NLRP14: variants seen among roughly 807,000 people sequenced by gnomAD.
NLRP14 encodes the protein NACHT, LRR and PYD domains-containing protein 14.
NLRP14 carries 105 observed loss-of-function variants against 94.7 expected under a neutral mutation model. The observed-to-expected ratio is 1.11, with a 90% confidence interval of 0.95 to 1.30. The LOEUF (loss-of-function observed/expected upper bound fraction) is 1.30. NLRP14 is among the 50% of genes most tolerant of loss of function. NLRP14 has a pLI of 0.00. For synonymous variants in NLRP14, 508 were observed against 459.9 expected (o/e 1.10, Z -1.34); for missense variants, 1,362 against 1,254.1 (o/e 1.09, Z -1.30).
Position 7,058,396 on chromosome 11 carries a change from T to A in NLRP14, c.2579T>A (p.Val860Glu), listed in dbSNP as rs1589869610. Reference protein sequence around the residue: ...LADNVLGDGGVKLMSDALQHA... With the variant: ...LADNVLGDGGEKLMSDALQHA... ...GACAATGTCTTGGGTGATGGTGGAG[T>A]AAAGCTTATGAGTGATGCCCTGCAA... Residue 860 changes from valine to glutamate, a missense_variant, in exon 8 of 12, where the codon GTA (valine) becomes GAA (glutamate). Physicochemically the swap from Val to Glu is moderately radical, Grantham distance 121 (BLOSUM62 -2). Coordinates refer to ENST00000299481, the MANE Select transcript of NLRP14 (RefSeq NM_176822.4). The A allele has an allele frequency of 2.5e-6, 4 of 1,612,732 alleles. No individual in the cohort carries two copies. The East Asian group carries it at 8.9e-5, about 36-fold the overall frequency.
chr11:7,071,063 C>T, intron 11 of NLRP14, 110 bp from the exon 12 acceptor site: 2 of 1,229,946 alleles, frequency 1.6e-6, no homozygotes, highest in East Asian at 4.8e-5. Flanking sequence ...TATTATCTCT[C>T]TATTTTAACA....
intron 11 of NLRP14, 27 bp from the exon 12 acceptor site, chr11:7,071,146 A>G: frequency 6.2e-7 from 1 of 1,613,694 alleles, no homozygotes; most frequent in Non-Finnish European, 8.5e-7. Flanking sequence ...TGAATGCAGG[A>G]AAAGAGATGT....
chr11:7,021,317 C>T (rs1419466056), intron 1 of NLRP14, among the ~76,000 whole-genome samples: 1 of 152,216 alleles, frequency 6.6e-6, no homozygotes, highest in Non-Finnish European at 1.5e-5. Flanking sequence ...AGGAAGTAGT[C>T]TTGTGAACTA....
chr11:7,082,310 A>T, the NLRP14 span, among the ~76,000 whole-genome samples: 12 of 152,178 alleles, frequency 7.9e-5, no homozygotes, highest in Non-Finnish European at 1.6e-4. Flanking sequence ...TTTACCAACA[A>T]TGCAAGTGTA....
downstream of NLRP14, among the ~76,000 whole-genome samples, chr11:7,075,177 C>T (rs1320936436): frequency 5.3e-5 from 8 of 152,206 alleles, no homozygotes; most frequent in Admixed American, 1.3e-4. Context: ...TCCAGGGTTC[C>T]GTTGGCCAAC....
downstream of NLRP14, among the ~76,000 whole-genome samples, chr11:7,075,853 G>T (rs1852869055): frequency 1.3e-5 from 2 of 152,164 alleles, no homozygotes; most frequent in Admixed American, 1.3e-4. Context: ...AGATAGCTTT[G>T]ATCATCGGGG....
intron 4 of NLRP14, among the ~76,000 whole-genome samples, chr11:7,045,840 T>C (rs1406954299): frequency 6.6e-6 from 1 of 151,888 alleles, no homozygotes; most frequent in Non-Finnish European, 1.5e-5. Flanking sequence ...ACATACTGCC[T>C]TATTGAATTT....
At chr11:7,066,831 T>C (rs1338911135) in intron 10 of NLRP14, among the ~76,000 whole-genome samples, 3 of 152,144 alleles carry the variant, frequency 2.0e-5, no homozygotes, top group South Asian at 2.1e-4. Flanking sequence ...TTAGGTCTTA[T>C]GTTTAAGTCT....
rs745599120 is a variant in NLRP14, at chr11:7,058,436, T to C, written c.2619T>C (p.Thr873=). The C allele has an allele frequency of 6.2e-7, 1 of 1,611,670 alleles. No individual in the cohort carries two copies. Among genetic ancestry groups the C allele is most frequent in the Non-Finnish European group, 8.5e-7 (1 of 1,177,980 alleles). The change falls in exon 8 of 12, where the codon ACT becomes ACC. Residue 873 remains threonine, a synonymous_variant. Transcript: ENST00000299481. The part of the protein sequence containing the change: ...MSDALQHAQC[T]LKSLVLRRCH... ...ATGCCCTGCAACATGCACAATGTAC[T>C]CTGAAGAGCCTTGTGTAAGTGTCTT...
At chr11:7,027,032 C>T (rs141059350) in intron 1 of NLRP14, among the ~76,000 whole-genome samples, 3 of 152,156 alleles carry the variant, frequency 2.0e-5, no homozygotes, top group African/African-American at 7.2e-5. Context: ...TGCATTCACA[C>T]ACCTACCTGC....
In NLRP14 at chr11:7,042,753, C is replaced by A. The variant is rs1208993073; in HGVS notation, c.727C>A (p.Pro243Thr). 6.2e-7 allele frequency: 1 copy of A among 1,614,124 alleles called. No homozygotes were observed. The highest frequency in any genetic ancestry group is 1.3e-5 in the African/African-American group (1 of 75,028). ...AAAGGACTGGCCCAGCACAGAAGGC[C>A]CCATTGAAGAAATCATGTACCAGCC... ...ISKDWPSTEG[P>T]IEEIMYQPSS... Residue 243 changes from proline to threonine, a missense_variant, in exon 4 of 12, where the codon CCC becomes ACC. Transcript: ENST00000299481.
chr11:7,089,293 G>A, the NLRP14 span: 2 of 1,607,198 alleles, frequency 1.2e-6, no homozygotes, highest in South Asian at 1.1e-5. Flanking sequence ...ACCTTTGAAA[G>A]CCCCGCAGAC....
intron 1 of NLRP14, 126 bp from the exon 2 acceptor site, chr11:7,038,440 C>A: frequency 1.3e-6 from 1 of 759,450 alleles, no homozygotes; most frequent in Non-Finnish European, 2.2e-6. Flanking sequence ...AGTACCGAGC[C>A]TAATACAGTG....
downstream of NLRP14, among the ~76,000 whole-genome samples, chr11:7,075,422 AAAAACC>A: frequency 6.6e-6 from 1 of 152,352 alleles, no homozygotes; most frequent in African/African-American, 2.4e-5. Flanking sequence ...GATGATGCAG[AAAAACC>A]AATTATCTCA....
At chr11:7,041,417 G>C (rs1852246874) in intron 3 of NLRP14, among the ~76,000 whole-genome samples, 1 of 152,020 alleles carries the variant, frequency 6.6e-6, no homozygotes, top group Admixed American at 6.5e-5. Flanking sequence ...GATACATAAA[G>C]TTTGTTCATC....
intron 1 of NLRP14, among the ~76,000 whole-genome samples, chr11:7,036,776 A>C (rs1248291482): frequency 6.6e-6 from 1 of 152,112 alleles, no homozygotes; most frequent in African/African-American, 2.4e-5. Context: ...TAGAGTATAG[A>C]AGATTGAAGA....
At chr11:7,062,185 T>C (rs1852631984) in intron 9 of NLRP14, 148 bp from the exon 10 acceptor site, 2 of 673,780 alleles carry the variant, frequency 3.0e-6, no homozygotes, top group Admixed American at 2.7e-5. Flanking sequence ...TCATTTTTAC[T>C]GATAAATTAG....
intron 6 of NLRP14, among the ~76,000 whole-genome samples, chr11:7,050,098 A>G (rs1311348155): frequency 6.6e-6 from 1 of 152,198 alleles, no homozygotes; most frequent in Non-Finnish European, 1.5e-5. Flanking sequence ...TGGGAATAAG[A>G]GCAGATTCAG....
At chr11:7,056,906 G>C (rs1348066837) in intron 6 of NLRP14, among the ~76,000 whole-genome samples, 1 of 151,932 alleles carries the variant, frequency 6.6e-6, no homozygotes, top group African/African-American at 2.4e-5. Flanking sequence ...TTTAATTCTG[G>C]GCTTAGGAGG....
Sources: gnomAD v4.1 joint callset for allele counts (sites outside exome capture counted in the v4.1 genomes callset) on GRCh38, gnomAD v4.1.1 for gene constraint, MANE v1.5 for transcripts, NCBI Gene and HGNC (gene_info 2026-07-23, HGNC 2026-07-21) for gene names.